Variants in DPP10 observed in about 807,000 individuals in gnomAD.
The protein encoded by DPP10 is dipeptidyl peptidase like 10, also known as inactive dipeptidyl peptidase 10.
DPP10 carries 33 observed loss-of-function variants against 120.9 expected under a neutral mutation model. The observed-to-expected ratio is 0.27, with a 90% CI of 0.21 to 0.37. DPP10 has a LOEUF of 0.37. DPP10 is among the 10% of genes least tolerant of loss of function. The pLI is 1.00. For missense variants in DPP10, 816 were observed against 942.8 expected, an observed-to-expected ratio of 0.87 and a Z score of 1.76; for synonymous variants, 337 against 326.1, an observed-to-expected ratio of 1.03 and a Z score of -0.36.
intron 1 of DPP10, among the ~76,000 whole-genome samples, chr2:114,732,529 C>T (rs1677021186): frequency 1.3e-5 from 2 of 152,076 alleles, no homozygotes; most frequent in Admixed American, 1.3e-4. Flanking sequence ...TGTGTGAGAT[C>T]AAGAAGGATT....
chr2:115,759,782 G>A (rs531471123), intron 11 of DPP10, among the ~76,000 whole-genome samples: 34 of 152,104 alleles, frequency 2.2e-4, no homozygotes, highest in Middle Eastern at 6.9e-3. Context: ...AGGCGGAGGC[G>A]GGCAGATCAC....
At chr2:115,553,170 T>C (rs572236985) in intron 5 of DPP10, among the ~76,000 whole-genome samples, 1 of 152,068 alleles carries the variant, frequency 6.6e-6, no homozygotes. Context: ...GATATTATTA[T>C]TTTTTATGCA....
intron 4 of DPP10, among the ~76,000 whole-genome samples, chr2:115,523,794 C>T (rs1048142668): frequency 1.3e-5 from 2 of 152,088 alleles, no homozygotes; most frequent in African/African-American, 2.4e-5. Context: ...TGTTTAAAAT[C>T]ATTGATAACT....
chr2:115,351,483 C>T (rs558217704), intron 3 of DPP10, among the ~76,000 whole-genome samples: 1 of 152,022 alleles, frequency 6.6e-6, no homozygotes, highest in African/African-American at 2.4e-5. Flanking sequence ...ATACACTATA[C>T]CTTGTAACAA....
intron 5 of DPP10, among the ~76,000 whole-genome samples, chr2:115,659,251 T>A (rs2088683193): frequency 6.6e-6 from 1 of 152,160 alleles, no homozygotes; most frequent in Admixed American, 6.6e-5. Flanking sequence ...TACATTTCTG[T>A]TCTTTATAAA....
chr2:115,616,512 A>G (rs2084512244), intron 5 of DPP10, among the ~76,000 whole-genome samples: 1 of 152,080 alleles, frequency 6.6e-6, no homozygotes, highest in Non-Finnish European at 1.5e-5. Context: ...CTCTGAAAGC[A>G]CATTTCCAAT....
At chr2:115,511,730 TC>T (rs66907111) in intron 4 of DPP10, among the ~76,000 whole-genome samples, 1,350 of 89,200 alleles carry the variant, frequency 0.015, 23 homozygotes, top group African/African-American at 0.053. Flanking sequence ...TTCTTCTTCT[TC>T]TTTTTTTTTT....
rs149408879 is a variant in DPP10, at chr2:114,748,672, C to G, written c.60+305834C>G. On this transcript the variant is annotated intron_variant, in intron 1 of 25. Coordinates refer to ENST00000410059, the MANE Select transcript of DPP10 (RefSeq NM_020868.6). ...TGCGGTGTTTGGTTTTTTGTTCTTG[C>G]GATAGTTTACTGAGAATGATGGTTT... 3.1e-4 allele frequency among the ~76,000 whole-genome samples: 19 copies of G among 60,346 alleles called. 1 individual carries two copies. The highest frequency in any genetic ancestry group is 0.013 in the Middle Eastern group (2 of 156). The allele number at this position is 60,346 out of a possible 152,430, so 39.6% of individuals were successfully genotyped here. A position where few individuals can be genotyped will look rare whatever the true frequency, so the allele number is the denominator to read the frequency against.
At chr2:115,838,268 A>C (rs1299803909) in intron 24 of DPP10, among the ~76,000 whole-genome samples, 2 of 152,192 alleles carry the variant, frequency 1.3e-5, no homozygotes, top group Non-Finnish European at 2.9e-5. Flanking sequence ...TGTTGTTCTA[A>C]GGTATTAAGA....
At chr2:114,604,427 A>G (rs1692625352) in intron 1 of DPP10, among the ~76,000 whole-genome samples, 1 of 152,082 alleles carries the variant, frequency 6.6e-6, no homozygotes, top group African/African-American at 2.4e-5. Flanking sequence ...GCGTGCCAGG[A>G]CACAAGCATA....
At chr2:115,536,729 G>T (rs1006333763) in intron 5 of DPP10, among the ~76,000 whole-genome samples, 1 of 151,956 alleles carries the variant, frequency 6.6e-6, no homozygotes. Context: ...ATGGATAGGA[G>T]AATCTGTGAT....
chr2:114,958,988 T>G (rs1207105426), intron 1 of DPP10, among the ~76,000 whole-genome samples: 1 of 152,202 alleles, frequency 6.6e-6, no homozygotes, highest in African/African-American at 2.4e-5. Context: ...AGAATGAGAT[T>G]CTCTCAGACT....
intron 2 of DPP10, among the ~76,000 whole-genome samples, chr2:115,315,273 A>C (rs566138023): frequency 6.6e-6 from 1 of 151,864 alleles, no homozygotes; most frequent in African/African-American, 2.4e-5. Context: ...GCACACACAC[A>C]CATACACACA....
chr2:115,670,175 AG>A (rs2089756552), intron 5 of DPP10, among the ~76,000 whole-genome samples: 1 of 152,088 alleles, frequency 6.6e-6, no homozygotes, highest in South Asian at 2.1e-4. Context: ...TCCCATCATA[AG>A]GGCTTCCAGC....
chr2:115,446,721 G>T (rs1262989603), intron 3 of DPP10, among the ~76,000 whole-genome samples: 1 of 152,038 alleles, frequency 6.6e-6, no homozygotes, highest in East Asian at 1.9e-4. Context: ...CTATCTTAGT[G>T]CACCTAAAGG....
intron 1 of DPP10, among the ~76,000 whole-genome samples, chr2:115,301,290 A>G (rs2061118732): frequency 6.6e-6 from 1 of 151,844 alleles, no homozygotes; most frequent in African/African-American, 2.4e-5. Flanking sequence ...TACCCATCAC[A>G]GTTTTGCATG....
chr2:115,268,395 C>A (rs553475031), intron 1 of DPP10, among the ~76,000 whole-genome samples: 2 of 152,170 alleles, frequency 1.3e-5, no homozygotes, highest in Non-Finnish European at 2.9e-5. Flanking sequence ...CTTGAACAAT[C>A]TAGTGAATGA....
intron 1 of DPP10, among the ~76,000 whole-genome samples, chr2:114,612,020 T>C (rs983931670): frequency 1.2e-4 from 19 of 152,310 alleles, no homozygotes; most frequent in African/African-American, 4.6e-4. Flanking sequence ...TTCTTACTCA[T>C]TCTGTTTCTC....
intron 1 of DPP10, among the ~76,000 whole-genome samples, chr2:114,569,871 CAATT>C (rs1689490007): frequency 6.6e-6 from 1 of 152,106 alleles, no homozygotes; most frequent in Admixed American, 6.5e-5. Flanking sequence ...ATCTGTTAAT[CAATT>C]ATTTATTAAT....
Sources: gnomAD v4.1 joint callset for allele counts (sites outside exome capture counted in the v4.1 genomes callset) on GRCh38, gnomAD v4.1.1 for gene constraint, MANE v1.5 for transcripts, NCBI Gene and HGNC (gene_info 2026-07-23, HGNC 2026-07-21) for gene names.